The following SIM1 variants were observed in gnomAD, a reference collection of about 807,000 sequenced individuals.
SIM1 encodes single-minded homolog 1.
In SIM1, 18 loss-of-function variants were observed where a neutral mutation model predicts 78.2. The ratio of observed to expected loss-of-function variants is 0.23; its 90% CI spans 0.16 to 0.34. The LOEUF (loss-of-function observed/expected upper bound fraction) is 0.34, where lower values mean the gene tolerates loss of function less well. Ranked by LOEUF, SIM1 falls within the 10% of genes least tolerant of loss-of-function variation. SIM1 has a pLI of 1.00. For synonymous variants in SIM1, 417 were observed against 385.2 expected, an observed-to-expected ratio of 1.08 and a Z score of -0.97; for missense variants, 939 against 975.1, an observed-to-expected ratio of 0.96 and a Z score of 0.49.
At chr6:100,425,253 C>T (rs1771696471) in intron 9 of SIM1, among the ~76,000 whole-genome samples, 1 of 152,174 alleles carries the variant, frequency 6.6e-6, no homozygotes, top group Non-Finnish European at 1.5e-5. Flanking sequence ...TCCAATTAAA[C>T]CTCTTTTTTT....
chr6:100,453,115 AAG>A (rs1409948466), intron 3 of SIM1, among the ~76,000 whole-genome samples: 1 of 152,230 alleles, frequency 6.6e-6, no homozygotes, highest in Non-Finnish European at 1.5e-5. Context: ...TAAGTAGGCA[AAG>A]AGCAAGTTAA....
chr6:100,387,017 T>C lies in SIM1; in HGVS notation c.*3344A>G, dbSNP rs764696728. 6 of 152,120 alleles carry C rather than the reference T, an allele frequency of 3.9e-5. No homozygotes were observed. The highest frequency in any genetic ancestry group is 2.1e-4 in the South Asian group (1 of 4,824). 9.4% of individuals were successfully genotyped at this position (152,120 alleles called of 1,614,324 possible). A position where few individuals can be genotyped will look rare whatever the true frequency, so the allele number is the denominator to read the frequency against. On this transcript the variant is annotated 3_prime_UTR_variant, in exon 12 of 12. Transcript: ENST00000369208. ...TTAAACAGAATTTTCCCAAGAAAGATTGGGGAAACTTCATTCACTTCTTTG... is the reference window on the plus strand; with the variant it reads ...TTAAACAGAATTTTCCCAAGAAAGACTGGGGAAACTTCATTCACTTCTTTG...
chr6:100,455,094 T>TGG (rs1772612144), intron 2 of SIM1, among the ~76,000 whole-genome samples: 1 of 151,918 alleles, frequency 6.6e-6, no homozygotes, highest in South Asian at 2.1e-4. Flanking sequence ...AAATAAAACA[T>TGG]GGAGTTGGAT....
At chr6:100,433,740 C>CCCCACACACA (rs1771967183) in intron 9 of SIM1, among the ~76,000 whole-genome samples, 3 of 124,292 alleles carry the variant, frequency 2.4e-5, no homozygotes, top group Non-Finnish European at 5.0e-5. Flanking sequence ...ACCCCCCCAC[C>CCCCACACACA]CACACACACA....
intron 2 of SIM1, among the ~76,000 whole-genome samples, chr6:100,458,011 TC>T (rs1562064168): frequency 0.21 from 2,065 of 9,820 alleles, 50 homozygotes; most frequent in East Asian, 0.46. Flanking sequence ...TCTCTTTCTC[TC>T]TCTCTCTCTC....
chr6:100,426,704 T>C (rs1771740678), intron 9 of SIM1, among the ~76,000 whole-genome samples: 1 of 152,044 alleles, frequency 6.6e-6, no homozygotes, highest in Non-Finnish European at 1.5e-5. Flanking sequence ...CAGTATTTTA[T>C]CAGTTCTTGT....
intron 4 of SIM1, 67 bp downstream of exon 4, chr6:100,450,200 C>G: frequency 4.4e-6 from 6 of 1,374,676 alleles, no homozygotes; most frequent in Non-Finnish European, 6.2e-6. Context: ...CCCAACCCAG[C>G]CCCCTACCCC....
intron 3 of SIM1, among the ~76,000 whole-genome samples, chr6:100,451,311 G>A (rs1180345419): frequency 6.6e-6 from 1 of 152,216 alleles, no homozygotes; most frequent in East Asian, 1.9e-4. Context: ...ATTCTAGGCA[G>A]AAGGAATGAA....
At chr6:100,392,122 C>T (rs964793601) in intron 11 of SIM1, among the ~76,000 whole-genome samples, 10 of 152,034 alleles carry the variant, frequency 6.6e-5, no homozygotes, top group African/African-American at 1.4e-4. Flanking sequence ...TGCAGTGAGC[C>T]GAGATCGCGC....
intron 7 of SIM1, 30 bp downstream of exon 7, chr6:100,448,449 G>A (rs1449103590): frequency 5.6e-6 from 9 of 1,607,256 alleles, no homozygotes; most frequent in Non-Finnish European, 6.8e-6. Context: ...CTCAGGCTAG[G>A]AGAGGCCCTT....
At position 100,447,284 on chromosome 6, in the gene SIM1, C is replaced by T. The variant is rs1315267889; in HGVS notation, c.982G>A (p.Val328Ile). The T allele has an allele frequency of 6.2e-7, 1 of 1,614,064 alleles. No individual in the cohort carries two copies. Among genetic ancestry groups the T allele is most frequent in the African/African-American group, 1.3e-5 (1 of 74,930 alleles). The change falls in exon 9 of 12, where the codon GTC (valine) becomes ATC (isoleucine). Residue 328 changes from valine to isoleucine, a missense_variant. By Grantham distance (29) the Val-to-Ile change is conservative. Around this residue, in one of 5 missense-constraint regions of SIM1, gnomAD observed 66 missense variants for 108.4 expected, o/e 0.61. Coordinates refer to ENST00000369208, the MANE Select transcript of SIM1 (RefSeq NM_005068.3). ...TGCACTCACGTGAGGACATAGTTGACGCTGACGATACAGTGTGGCCTGGAG... is the reference window on the plus strand; with the variant it reads ...TGCACTCACGTGAGGACATAGTTGATGCTGACGATACAGTGTGGCCTGGAG... ...RSSRPHCIVS[V>I]NYVLTDTEYK... is the part of the protein sequence containing the mutation.
chr6:100,413,704 A>G (rs780467262), intron 10 of SIM1, among the ~76,000 whole-genome samples: 14 of 152,172 alleles, frequency 9.2e-5, no homozygotes, highest in African/African-American at 2.7e-4. Flanking sequence ...AAGTAAACAA[A>G]CAAAAAGGTA....
rs115040264 is a variant in SIM1 at position 100,440,064 on chromosome 6, C to A, written c.998+7204G>T. Among the ~76,000 whole-genome samples the A allele has an allele frequency of 3.6e-3, 550 of 152,300 alleles. 4 individuals are homozygous for A. Among genetic ancestry groups the A allele is most frequent in the African/African-American group, 0.013 (536 of 41,566 alleles). On this transcript the variant is annotated intron_variant, in intron 9 of 11. Coordinates refer to ENST00000369208, the MANE Select transcript of SIM1 (RefSeq NM_005068.3). ...CAAGTTAAGGAGAAAACAATGAATTCTCTTTCAAAGTATTTTAGTTGACAT... is the reference window on the plus strand; with the variant it reads ...CAAGTTAAGGAGAAAACAATGAATTATCTTTCAAAGTATTTTAGTTGACAT...
intron 2 of SIM1, among the ~76,000 whole-genome samples, chr6:100,458,317 T>C (rs1161491594): frequency 3.3e-5 from 5 of 152,156 alleles, no homozygotes; most frequent in African/African-American, 1.2e-4. Context: ...GGCCCAGCTT[T>C]GGCTATGCCA....
chr6:100,426,606 T>C (rs977532896), intron 9 of SIM1, among the ~76,000 whole-genome samples: 2 of 152,340 alleles, frequency 1.3e-5, no homozygotes, highest in Admixed American at 1.3e-4. Context: ...GCCTCCATAA[T>C]ACCAATAGCC....
rs1157594903 is a variant in SIM1, at chr6:100,448,565, G to A, written c.657C>T (p.Pro219=). The A allele has an allele frequency of 6.2e-7, 1 of 1,614,170 alleles. No individual in the cohort carries two copies. Among genetic ancestry groups the A allele is most frequent in the Admixed American group, 1.7e-5 (1 of 60,032 alleles). ...GTAGCTTGATCTCCGTGACGGCGCT[G>A]GGAGGCAGCGAGTGGCCCACGGCCA... is the stretch of plus-strand genomic sequence containing the variant. ...GLVAVGHSLP[P]SAVTEIKLHS... Residue 219 remains proline (P), a synonymous_variant, in exon 7 of 12, where the codon CCC becomes CCT. Coordinates refer to ENST00000369208, the MANE Select transcript of SIM1 (RefSeq NM_005068.3).
intron 2 of SIM1, among the ~76,000 whole-genome samples, chr6:100,454,534 C>T (rs187679855): frequency 5.3e-5 from 8 of 152,272 alleles, no homozygotes; most frequent in Admixed American, 3.9e-4. Flanking sequence ...CACCAAAACC[C>T]GCATAGGCTT....
At chr6:100,396,478 A>G (rs1770771206) in intron 10 of SIM1, among the ~76,000 whole-genome samples, 1 of 152,178 alleles carries the variant, frequency 6.6e-6, no homozygotes, top group Non-Finnish European at 1.5e-5. Flanking sequence ...CAGGAGGTAT[A>G]CATTTCAAGA....
chr6:100,404,465 T>C (rs752835269), intron 10 of SIM1, among the ~76,000 whole-genome samples: 3 of 152,196 alleles, frequency 2.0e-5, no homozygotes, highest in Non-Finnish European at 4.4e-5. Context: ...GATTTGTGTC[T>C]GAACCATGAG....
Sources: allele counts gnomAD v4.1 joint callset (sites outside exome capture counted in the v4.1 genomes callset), GRCh38; gene constraint gnomAD v4.1.1; regional missense constraint gnomAD v4.1.1; transcripts MANE v1.5; gene names NCBI Gene and HGNC (gene_info 2026-07-23, HGNC 2026-07-21).